The following GIPC2 variants were observed in gnomAD, a reference collection of about 807,000 sequenced individuals.
GIPC2 encodes the protein GIPC PDZ domain containing family member 2.
In GIPC2, 30 loss-of-function variants were observed where a neutral mutation model predicts 30.6. That is an observed-to-expected ratio of 0.98 (90% confidence interval 0.73 to 1.33). The LOEUF (loss-of-function observed/expected upper bound fraction) is 1.33, where lower values mean the gene tolerates loss of function less well. GIPC2 is among the 40% of genes most tolerant of loss of function. The probability of loss-of-function intolerance (pLI) is 0.00; values close to 1 mark genes in which losing one functional copy is unlikely to be tolerated. For synonymous variants in GIPC2, 167 were observed against 150.0 expected, an observed-to-expected ratio of 1.11 and a Z score of -0.83; for missense variants, 414 against 390.3, an observed-to-expected ratio of 1.06 and a Z score of -0.51.
intron 3 of GIPC2, among the ~76,000 whole-genome samples, chr1:78,116,782 T>A (rs1385706492): frequency 6.6e-6 from 1 of 152,196 alleles, no homozygotes; most frequent in Non-Finnish European, 1.5e-5. Flanking sequence ...TGGTTCCAAG[T>A]CTTTGCTATT....
intron 1 of GIPC2, among the ~76,000 whole-genome samples, chr1:78,079,691 A>G (rs1215757206): frequency 6.6e-6 from 1 of 152,202 alleles, no homozygotes; most frequent in African/African-American, 2.4e-5. Flanking sequence ...TACTCAGTAC[A>G]TGTTTGTTGA....
rs371153336 is a variant in GIPC2, at chr1:78,107,646, GA to G, written c.608-11744del. On this transcript the variant is annotated intron_variant, in intron 3 of 5. Coordinates refer to ENST00000370759, the MANE Select transcript of GIPC2 (RefSeq NM_017655.6). ...TCGAGACCAGCCTGGCTAACAGGGT[GA>G]AACCCCATCTCTTCTAAAAATATAA... Among the ~76,000 whole-genome samples the G allele has an allele frequency of 1.4e-3, 217 of 151,836 alleles. 4 individuals carry two copies. Among genetic ancestry groups the G allele is most frequent in the African/African-American group, 5.1e-3 (213 of 41,406 alleles).
rs967573560 is a variant in GIPC2, at chr1:78,059,310, G to T, written c.240+12976G>T. 2.6e-5 allele frequency among the ~76,000 whole-genome samples: 4 copies of T among 152,238 alleles called. 1 individual carries two copies. The highest frequency in any genetic ancestry group is 4.1e-4 in the South Asian group (2 of 4,832). ...TAGCTTGAATGTTCCTCCAGAGCTTGTGCATTCAATTAAAAATATTCCAGT... is the reference window on the plus strand; with the variant it reads ...TAGCTTGAATGTTCCTCCAGAGCTTTTGCATTCAATTAAAAATATTCCAGT... On this transcript the variant is annotated intron_variant, in intron 1 of 5. Coordinates refer to ENST00000370759, the MANE Select transcript of GIPC2 (RefSeq NM_017655.6).
At chr1:78,047,353 T>C (rs1028921207) in intron 1 of GIPC2, among the ~76,000 whole-genome samples, 3 of 152,194 alleles carry the variant, frequency 2.0e-5, no homozygotes, top group African/African-American at 7.2e-5. Context: ...ATCAGGTCTG[T>C]TCAAGGGAAA....
chr1:78,134,343 T>C (rs1007639237), intron 5 of GIPC2, among the ~76,000 whole-genome samples: 1 of 138,494 alleles, frequency 7.2e-6, no homozygotes, highest in Admixed American at 7.0e-5. Context: ...TGTGTGTATG[T>C]ATGTGTGTGT....
At chr1:78,099,919 G>T (rs538732675) in intron 3 of GIPC2, among the ~76,000 whole-genome samples, 1 of 152,152 alleles carries the variant, frequency 6.6e-6, no homozygotes, top group Non-Finnish European at 1.5e-5. Context: ...TTGGTTAGAG[G>T]TTATAGGTGG....
In GIPC2 at chr1:78,119,396, T is replaced by G. The variant is rs1170637334; in HGVS notation, c.611T>G (p.Ile204Arg). ...TTCCCTGTTCATTGTATTGTAGAAATAGAGCTGAGGTCAAAGGCTGGAAAG... is the reference window on the plus strand; with the variant it reads ...TTCCCTGTTCATTGTATTGTAGAAAGAGAGCTGAGGTCAAAGGCTGGAAAG... ...KLIEPKKAFE[I>R]ELRSKAGKSS... The change falls in exon 4 of 6, where the codon ATA (isoleucine) becomes AGA (arginine). Residue 204 changes from isoleucine to arginine, a missense_variant. Transcript: ENST00000370759. 2.5e-6 allele frequency: 4 copies of G among 1,576,782 alleles called. No homozygotes were observed. Among genetic ancestry groups the G allele is most frequent in the South Asian group, 2.2e-5 (2 of 90,064 alleles).
intron 1 of GIPC2, among the ~76,000 whole-genome samples, chr1:78,056,139 TAA>T (rs1661291590): frequency 6.6e-6 from 1 of 152,144 alleles, no homozygotes; most frequent in South Asian, 2.1e-4. Flanking sequence ...GTCTCTTCCA[TAA>T]GATTGAGAGC....
At chr1:78,130,327 C>T (rs566218588) in intron 5 of GIPC2, among the ~76,000 whole-genome samples, 1 of 152,102 alleles carries the variant, frequency 6.6e-6, no homozygotes, top group African/African-American at 2.4e-5. Flanking sequence ...TGGTCCCGAA[C>T]TCCTGACCTT....
intron 3 of GIPC2, among the ~76,000 whole-genome samples, chr1:78,098,055 A>T (rs918376458): frequency 1.3e-5 from 2 of 152,174 alleles, no homozygotes; most frequent in African/African-American, 4.8e-5. Flanking sequence ...CTAAGCTGTT[A>T]TATCTTGTTC....
At chr1:78,059,820 G>T (rs1344340611) in intron 1 of GIPC2, among the ~76,000 whole-genome samples, 1 of 152,110 alleles carries the variant, frequency 6.6e-6, no homozygotes, top group Non-Finnish European at 1.5e-5. Context: ...GTCATTTAGA[G>T]ATCACTTCTT....
chr1:78,091,530 C>T (rs978901223), intron 2 of GIPC2: 7 of 745,892 alleles, frequency 9.4e-6, no homozygotes, highest in Admixed American at 3.6e-5. Context: ...AAACAGCCGT[C>T]CGAGGAGGAC....
intron 3 of GIPC2, among the ~76,000 whole-genome samples, chr1:78,097,797 T>G (rs1662165709): frequency 6.6e-6 from 1 of 152,014 alleles, no homozygotes; most frequent in African/African-American, 2.4e-5. Context: ...GTTTCAGGGG[T>G]GTGTGTACCA....
intron 3 of GIPC2, among the ~76,000 whole-genome samples, chr1:78,117,349 T>C (rs1662587447): frequency 6.6e-6 from 1 of 152,196 alleles, no homozygotes; most frequent in Admixed American, 6.5e-5. Context: ...TCCGGTTCTT[T>C]AGTGCAGGGG....
chr1:78,060,023 A>T (rs894985231), intron 1 of GIPC2, among the ~76,000 whole-genome samples: 3 of 152,132 alleles, frequency 2.0e-5, no homozygotes, highest in Non-Finnish European at 4.4e-5. Context: ...GCTGAAGCAT[A>T]TTTTCTGCTT....
chr1:78,046,903 A>T (rs1385675366), intron 1 of GIPC2, among the ~76,000 whole-genome samples: 1 of 152,216 alleles, frequency 6.6e-6, no homozygotes, highest in Non-Finnish European at 1.5e-5. Context: ...GTCATTTCTA[A>T]CATCAGCACC....
chr1:78,094,248 C>T (rs146260293), intron 2 of GIPC2, among the ~76,000 whole-genome samples: 2 of 152,290 alleles, frequency 1.3e-5, no homozygotes, highest in East Asian at 3.9e-4. Flanking sequence ...TGATGGGCCT[C>T]AATTGAAATG....
intron 2 of GIPC2, among the ~76,000 whole-genome samples, chr1:78,094,343 A>G (rs1321566631): frequency 6.6e-6 from 1 of 152,232 alleles, no homozygotes; most frequent in African/African-American, 2.4e-5. Context: ...CTCTGTCCTC[A>G]AGGATATTAG....
intron 1 of GIPC2, among the ~76,000 whole-genome samples, chr1:78,060,907 T>A (rs1661380730): frequency 6.6e-6 from 1 of 152,000 alleles, no homozygotes; most frequent in Non-Finnish European, 1.5e-5. Flanking sequence ...CTTCTTTTTT[T>A]TTTTTAACTC....
Sources: gnomAD v4.1 joint callset for allele counts (sites outside exome capture counted in the v4.1 genomes callset) on GRCh38, gnomAD v4.1.1 for gene constraint, MANE v1.5 for transcripts, NCBI Gene and HGNC (gene_info 2026-07-23, HGNC 2026-07-21) for gene names.